HNRNPC: variants seen among roughly 807,000 people sequenced by gnomAD.
HNRNPC encodes the protein heterogeneous nuclear ribonucleoprotein C, also known as heterogeneous nuclear ribonucleoproteins C1/C2.
In HNRNPC, 3 loss-of-function variants were observed where a neutral mutation model predicts 33.2. That is an observed-to-expected ratio of 0.09 (90% CI 0.04 to 0.23). The LOEUF (loss-of-function observed/expected upper bound fraction) is 0.23, where lower values mean the gene tolerates loss of function less well. Among genes scored for constraint, HNRNPC ranks in the 10% least tolerant of loss-of-function variants. HNRNPC has a pLI of 1.00. For missense variants in HNRNPC, 143 were observed against 366.7 expected (o/e 0.39, Z 4.98); for synonymous variants, 121 against 126.7 (o/e 0.96, Z 0.30).
chr14:21,242,394 G>T (rs768989105), intron 2 of HNRNPC, among the ~76,000 whole-genome samples: 2 of 152,186 alleles, frequency 1.3e-5, no homozygotes, highest in African/African-American at 2.4e-5. Context: ...TGAGCTAGAA[G>T]AATCGCTTGA....
intron 2 of HNRNPC, among the ~76,000 whole-genome samples, chr14:21,249,803 A>C (rs1283174742): frequency 6.6e-6 from 1 of 152,146 alleles, no homozygotes; most frequent in Non-Finnish European, 1.5e-5. Flanking sequence ...ACTCTAACGT[A>C]GAGCAACTTC....
chr14:21,214,572 T>G (rs1309324590), intron 5 of HNRNPC, among the ~76,000 whole-genome samples: 1 of 151,748 alleles, frequency 6.6e-6, no homozygotes, highest in Admixed American at 6.7e-5. Context: ...AGAGCAACAC[T>G]GTCTCAAAAA....
chr14:21,267,120 A>AC (rs1879146089), intron 1 of HNRNPC, among the ~76,000 whole-genome samples: 3 of 128,550 alleles, frequency 2.3e-5, no homozygotes, highest in South Asian at 2.5e-4. Context: ...AAAAAAAAAA[A>AC]AAAAAAACAA....
At chr14:21,237,771 ATTTTT>A (rs910725542) in intron 2 of HNRNPC, among the ~76,000 whole-genome samples, 1 of 149,648 alleles carries the variant, frequency 6.7e-6, no homozygotes, top group Non-Finnish European at 1.5e-5. Context: ...CCTTGATCAC[ATTTTT>A]TTTTTAATTT....
At chr14:21,259,096 C>G (rs2139003561) in intron 2 of HNRNPC, among the ~76,000 whole-genome samples, 1 of 152,332 alleles carries the variant, frequency 6.6e-6, no homozygotes, top group Middle Eastern at 3.4e-3. Context: ...ACCTCTCTAA[C>G]TCCATCCCTC....
chr14:21,235,212 C>CA (rs1200216074), intron 2 of HNRNPC, among the ~76,000 whole-genome samples: 1 of 152,110 alleles, frequency 6.6e-6, no homozygotes, highest in Non-Finnish European at 1.5e-5. Flanking sequence ...CTTCCCACTC[C>CA]AACCCCCAAT....
At chr14:21,269,239 A>AC (rs1879547885) in intron 1 of HNRNPC, 59 bp downstream of exon 1, 1 of 151,556 alleles carries the variant, frequency 6.6e-6, no homozygotes, top group Admixed American at 6.6e-5. Flanking sequence ...TCTCTCCCAC[A>AC]CCCCCTCTCG....
In HNRNPC at chr14:21,211,179, G is replaced by C. The variant is rs1227254851; in HGVS notation, c.*44C>G. On this transcript the variant is annotated 3_prime_UTR_variant, in exon 9 of 9. Coordinates refer to ENST00000553300, the MANE Select transcript of HNRNPC (RefSeq NM_004500.4). ...AAATTTGATCTTAGACAAGCGCCTA[G>C]GTAAAGAAATAATGGGATAAGATTT... is the stretch of plus-strand genomic sequence containing the variant. The C allele has an allele frequency of 1.3e-6, 2 of 1,587,580 alleles. No individual in the cohort carries two copies. The highest frequency in any genetic ancestry group is 2.7e-5 in the African/African-American group (2 of 74,240).
chr14:21,264,778 C>T (rs1368364827), intron 1 of HNRNPC: 1 of 152,258 alleles, frequency 6.6e-6, no homozygotes, highest in Non-Finnish European at 1.5e-5. Context: ...CCTGTAATCC[C>T]AACACTTTGG....
At chr14:21,249,593 C>CAAAAAAAAAAAAAA (rs756880620) in intron 2 of HNRNPC, among the ~76,000 whole-genome samples, 3 of 83,446 alleles carry the variant, frequency 3.6e-5, no homozygotes, top group African/African-American at 8.7e-5. Context: ...GTCTCAAAAA[C>CAAAAAAAAAAAAAA]AAAAAAAAAA....
At chr14:21,230,904 G>A (rs1278080042) in intron 4 of HNRNPC, 93 bp downstream of exon 4, 22 of 1,410,364 alleles carry the variant, frequency 1.6e-5, no homozygotes, top group Non-Finnish European at 2.1e-5. Flanking sequence ...AAAACAGAAA[G>A]AGAAGATGCC....
chr14:21,231,866 AAT>A (rs1339833983), intron 3 of HNRNPC, among the ~76,000 whole-genome samples: 1 of 152,148 alleles, frequency 6.6e-6, no homozygotes, highest in Non-Finnish European at 1.5e-5. Flanking sequence ...AATTATTACA[AAT>A]ATATTAGAAT....
At chr14:21,245,233 C>T (rs145936975) in intron 2 of HNRNPC, among the ~76,000 whole-genome samples, 192 of 152,156 alleles carry the variant, frequency 1.3e-3, no homozygotes, top group Middle Eastern at 3.4e-3. Context: ...CAGTGGCTCA[C>T]GCCTGTAATC....
intron 5 of HNRNPC, among the ~76,000 whole-genome samples, chr14:21,228,756 C>T (rs558392996): frequency 6.6e-6 from 1 of 151,972 alleles, no homozygotes; most frequent in Middle Eastern, 3.4e-3. Context: ...TACAGAACTC[C>T]TTAGTTTTCA....
intron 3 of HNRNPC, 176 bp from the exon 4 acceptor site, chr14:21,231,248 C>A: frequency 1.4e-6 from 1 of 692,260 alleles, no homozygotes; most frequent in Non-Finnish European, 2.6e-6. Context: ...ATTCTCCTGC[C>A]TCAGCCTCGA....
At chr14:21,236,455 GTCC>G (rs1894707974) in intron 2 of HNRNPC, 2 of 152,118 alleles carry the variant, frequency 1.3e-5, no homozygotes, top group African/African-American at 2.4e-5. Flanking sequence ...TTAGTAACGT[GTCC>G]TCCTAAGGAA....
chr14:21,262,572 T>C (rs1280476492), intron 2 of HNRNPC: 1 of 152,260 alleles, frequency 6.6e-6, no homozygotes, highest in East Asian at 1.9e-4. Flanking sequence ...GTCTTTGTAA[T>C]GAATCCAAGT....
intron 1 of HNRNPC, among the ~76,000 whole-genome samples, chr14:21,266,260 G>T (rs373634180): frequency 1.3e-5 from 2 of 151,960 alleles, no homozygotes; most frequent in Non-Finnish European, 2.9e-5. Context: ...GCGCCAGCAC[G>T]CCAAGCTAAT....
intron 1 of HNRNPC, chr14:21,264,601 C>A (rs968428950): frequency 2.6e-5 from 4 of 152,170 alleles, no homozygotes; most frequent in African/African-American, 9.7e-5. Context: ...ATTTCCATGA[C>A]AAACTGGTTG....
Sources: allele counts gnomAD v4.1 joint callset (sites outside exome capture counted in the v4.1 genomes callset), GRCh38; gene constraint gnomAD v4.1.1; transcripts MANE v1.5; gene names NCBI Gene and HGNC (gene_info 2026-07-23, HGNC 2026-07-21).